UBR2: variants seen among roughly 807,000 people sequenced by gnomAD.
The protein encoded by UBR2 is E3 ubiquitin-protein ligase UBR2.
A neutral mutation model predicts 247.9 loss-of-function variants in UBR2; 92 were observed. That is an observed-to-expected ratio of 0.37 (90% CI 0.31 to 0.44). UBR2 has a LOEUF of 0.44. UBR2 is among the 20% of genes least tolerant of loss of function. UBR2 has a pLI of 1.00. For synonymous variants in UBR2, 672 were observed against 693.5 expected (o/e 0.97, Z 0.49); for missense variants, 1,613 against 2,112.6 (o/e 0.76, Z 4.64).
intron 11 of UBR2, among the ~76,000 whole-genome samples, chr6:42,629,925 T>G (rs1795596490): frequency 6.6e-6 from 1 of 152,118 alleles, no homozygotes; most frequent in African/African-American, 2.4e-5. Context: ...TTTTGGTTTT[T>G]GGGGTTTTCG....
chr6:42,677,776 G>GA (rs1026713341), intron 40 of UBR2, among the ~76,000 whole-genome samples: 4 of 152,076 alleles, frequency 2.6e-5, no homozygotes, highest in African/African-American at 9.7e-5. Flanking sequence ...GTCTCAAAAA[G>GA]AAAAAGATGT....
intron 2 of UBR2, among the ~76,000 whole-genome samples, chr6:42,582,654 GT>G (rs1249352628): frequency 2.0e-5 from 3 of 151,816 alleles, no homozygotes; most frequent in African/African-American, 7.3e-5. Context: ...GGAAGACTGT[GT>G]TTAATACAGT....
At chr6:42,665,588 T>A (rs1798060955) in intron 33 of UBR2, 76 bp downstream of exon 33, 1 of 1,189,980 alleles carries the variant, frequency 8.4e-7, no homozygotes. Flanking sequence ...GAAGAAGTTG[T>A]TTAAAAGTGA....
intron 1 of UBR2, among the ~76,000 whole-genome samples, chr6:42,565,165 T>A (rs922506253): frequency 3.3e-5 from 5 of 152,234 alleles, no homozygotes; most frequent in Non-Finnish European, 5.9e-5. Flanking sequence ...GCAGTTATAT[T>A]CCAAACGTAA....
At chr6:42,596,647 T>C (rs1792995331) in intron 4 of UBR2, among the ~76,000 whole-genome samples, 1 of 152,168 alleles carries the variant, frequency 6.6e-6, no homozygotes, top group Admixed American at 6.5e-5. Context: ...ATATTTTTCG[T>C]CCATAAAAAG....
At chr6:42,607,104 A>C (rs1448749300) in intron 7 of UBR2, among the ~76,000 whole-genome samples, 1 of 152,142 alleles carries the variant, frequency 6.6e-6, no homozygotes, top group East Asian at 1.9e-4. Flanking sequence ...ATTTTTAGAA[A>C]TTAGAATTTA....
rs1176007129 is a variant in UBR2 at position 42,564,316 on chromosome 6, G to T, written c.-4G>T. 1 of 1,609,524 alleles carries T rather than the reference G, an allele frequency of 6.2e-7. No homozygotes were observed. The highest frequency in any genetic ancestry group is 1.3e-5 in the African/African-American group (1 of 75,004). On this transcript the variant is annotated 5_prime_UTR_variant, in exon 1 of 47. Coordinates refer to ENST00000372901, the MANE Select transcript of UBR2 (RefSeq NM_001363705.2). ...GGTAGCGCTGGGGAGGAGGAGGAGAGAAGATGGCGTCGGAGCTAGAGCCAG... is the reference window on the plus strand; with the variant it reads ...GGTAGCGCTGGGGAGGAGGAGGAGATAAGATGGCGTCGGAGCTAGAGCCAG...
At chr6:42,669,003 A>T (rs531144092) in intron 34 of UBR2, among the ~76,000 whole-genome samples, 8 of 152,060 alleles carry the variant, frequency 5.3e-5, no homozygotes, top group Non-Finnish European at 8.8e-5. Context: ...AGCTCACTGC[A>T]ACCTCTGCCA....
Position 42,620,910 on chromosome 6 carries a change from T to C in UBR2, c.1281+3403T>C, listed in dbSNP as rs193282399. ...ACCTCTGCCTCCCGGGTTCAAGCGA[T>C]TCTCCTTCCTCGGCCTCCTGAGTAG... On this transcript the variant is annotated intron_variant, in intron 11 of 46. Coordinates refer to ENST00000372901, the MANE Select transcript of UBR2 (RefSeq NM_001363705.2). Among the ~76,000 whole-genome samples the C allele has an allele frequency of 2.6e-5, 4 of 152,030 alleles. No homozygotes were observed. In the East Asian group the frequency reaches 7.8e-4, roughly 30 times the overall value.
chr6:42,620,441 AT>A (rs1038786824), intron 11 of UBR2: 3 of 136,314 alleles, frequency 2.2e-5, no homozygotes. Flanking sequence ...TACTACAAAT[AT>A]TTTTTCCACT....
In UBR2 at chr6:42,658,762, CAAAG is replaced by C; in HGVS notation, c.3183_3186del (p.Lys1061AsnfsTer7). The C allele has an allele frequency of 6.2e-7, 1 of 1,602,062 alleles. No individual in the cohort carries two copies. Among genetic ancestry groups the C allele is most frequent in the Non-Finnish European group, 8.5e-7 (1 of 1,176,286 alleles). ...TGCAGCGGCATTTTATTGATGAAAA[CAAAG>C]AACTCTTTCAGCAGACATTAGAACT... On this transcript the variant is annotated frameshift_variant, in exon 29 of 47. Transcript: ENST00000372901. LOFTEE classifies it high-confidence loss of function.
At position 42,574,082 on chromosome 6, in the gene UBR2, T is replaced by A. The variant is rs567418262; in HGVS notation, c.338+89T>A. The A allele has an allele frequency of 2.5e-3, 3,228 of 1,293,898 alleles. 5 individuals are homozygous for A. The highest frequency in any genetic ancestry group is 2.9e-3 in the Non-Finnish European group (2,854 of 969,552). 80.2% of individuals were successfully genotyped at this position (1,293,898 alleles called of 1,614,324 possible). A position where few individuals can be genotyped will look rare whatever the true frequency, so the allele number is the denominator to read the frequency against. ...AACTTTTGAGTTTTTGTTTAAAAAT[T>A]ATGAAATACCATATCTGCTTAAAAA... is the stretch of plus-strand genomic sequence containing the variant. On this transcript the variant is annotated intron_variant, in intron 2 of 46. Transcript: ENST00000372901.
At chr6:42,660,624 CT>C (rs1177561980) in intron 30 of UBR2, among the ~76,000 whole-genome samples, 2 of 152,046 alleles carry the variant, frequency 1.3e-5, no homozygotes, top group Admixed American at 1.3e-4. Flanking sequence ...TAAAGAAAGT[CT>C]TTGCATCCTA....
At position 42,612,239 on chromosome 6, in the gene UBR2, G is replaced by A. The variant is rs1794137400; in HGVS notation, c.933G>A (p.Gln311=). 1.3e-6 allele frequency: 2 copies of A among 1,544,916 alleles called. No homozygotes were observed. The highest frequency in any genetic ancestry group is 8.8e-7 in the Non-Finnish European group (1 of 1,131,010). ...TGCATTCGTCTATTGTCGCACATCA[G>A]AATTTTGGTTTGAAACTTTTGTCTT... is the stretch of plus-strand genomic sequence containing the variant. ...QVMHSSIVAH[Q]NFGLKLLSWL... The change falls in exon 8 of 47, where the codon CAG becomes CAA. Residue 311 remains glutamine, a synonymous_variant. Transcript: ENST00000372901.
intron 42 of UBR2, among the ~76,000 whole-genome samples, chr6:42,682,113 G>A (rs1047221703): frequency 2.0e-5 from 3 of 152,144 alleles, no homozygotes; most frequent in South Asian, 2.1e-4. Context: ...ATGCTACAAC[G>A]TGGATGAACC....
chr6:42,632,056 TAAA>T (rs1296746615), intron 11 of UBR2, among the ~76,000 whole-genome samples: 13,736 of 126,586 alleles, frequency 0.11, 833 homozygotes, highest in Non-Finnish European at 0.13. Context: ...TTTGCTTATT[TAAA>T]AAAAAAAAAA....
chr6:42,663,691 A>G lies in UBR2; in HGVS notation c.3698+272A>G, dbSNP rs370793550. Among the ~76,000 whole-genome samples, 4 of 152,180 alleles carry G rather than the reference A, an allele frequency of 2.6e-5. No individual in the cohort carries two copies. The East Asian group carries it at 5.8e-4, about 22-fold the overall frequency. ...GTTTATTTCTAGGGACCCTACTTTT[A>G]ATATCTTCCATACACTTTTCAAGAG... is the stretch of plus-strand genomic sequence containing the variant. On this transcript the variant is annotated intron_variant, in intron 32 of 46. Coordinates refer to ENST00000372901, the MANE Select transcript of UBR2 (RefSeq NM_001363705.2).
chr6:42,654,401 C>A (rs926688802), intron 25 of UBR2, among the ~76,000 whole-genome samples: 1 of 152,130 alleles, frequency 6.6e-6, no homozygotes, highest in African/African-American at 2.4e-5. Context: ...GGGAAAGATA[C>A]AGAGACATCA....
At position 42,684,814 on chromosome 6, in the gene UBR2, A is replaced by C. The variant is rs1044454747; in HGVS notation, c.4796A>C (p.Lys1599Thr). The C allele has an allele frequency of 3.7e-6, 6 of 1,609,584 alleles. No individual in the cohort carries two copies. In the African/African-American group the frequency reaches 8.0e-5, roughly 22 times the overall value. ...DAIRYPRESN[K>T]LINLPEDYSS... The stretch of plus-strand genomic sequence containing the variant: ...TTCAGATATCCAAGAGAATCTAACA[A>C]ATTAATAAACCTTCCAGAGGATTAC... Residue 1599 changes from lysine (K) to threonine (T), a missense_variant, in exon 44 of 47, where the codon AAA (lysine) becomes ACA (threonine). Around this residue, in one of 3 missense-constraint regions of UBR2, gnomAD observed 1,524 missense variants for 1,967.3 expected, o/e 0.77. Coordinates refer to ENST00000372901, the MANE Select transcript of UBR2 (RefSeq NM_001363705.2).
Sources: gnomAD v4.1 joint callset for allele counts (sites outside exome capture counted in the v4.1 genomes callset) on GRCh38, gnomAD v4.1.1 for gene constraint, gnomAD v4.1.1 regional missense constraint, MANE v1.5 for transcripts, NCBI Gene and HGNC (gene_info 2026-07-23, HGNC 2026-07-21) for gene names.